Variants in ANKRD22 observed in about 807,000 individuals in gnomAD.
ANKRD22 encodes ankyrin repeat domain 22.
In ANKRD22, 24 loss-of-function variants were observed where a neutral mutation model predicts 25.7. That is an observed-to-expected ratio of 0.93 (90% confidence interval 0.68 to 1.31). The LOEUF (loss-of-function observed/expected upper bound fraction) is 1.31. Ranked by LOEUF, ANKRD22 falls within the 50% of genes most tolerant of loss-of-function variation. The pLI is 0.00. For synonymous variants in ANKRD22, 84 were observed against 84.3 expected (o/e 1.00, Z 0.02); for missense variants, 214 against 227.1 (o/e 0.94, Z 0.37).
Position 88,823,029 on chromosome 10 carries a change from A to C in ANKRD22, c.499-11T>G, listed in dbSNP as rs567902619. On this transcript the variant is annotated splice_polypyrimidine_tract_variant and intron_variant, in intron 5 of 5. Coordinates refer to ENST00000371930, the MANE Select transcript of ANKRD22 (RefSeq NM_144590.3). Reference sequence around the variant, plus strand: ...TGAGCTCTCACCATGCTGAGGGGGGAAAAATATACAGTTATTTCCAATAGA... The same window carrying C: ...TGAGCTCTCACCATGCTGAGGGGGGCAAAATATACAGTTATTTCCAATAGA... The C allele has an allele frequency of 5.0e-6, 8 of 1,608,178 alleles. No homozygotes were observed. Among genetic ancestry groups the C allele is most frequent in the Non-Finnish European group, 6.8e-6 (8 of 1,175,016 alleles).
intron 1 of ANKRD22, among the ~76,000 whole-genome samples, chr10:88,851,311 A>C (rs1285242352): frequency 6.6e-6 from 1 of 152,188 alleles, no homozygotes; most frequent in East Asian, 1.9e-4. Context: ...TTTTGTCCAA[A>C]TTATCCTTGC....
chr10:88,823,807 G>A (rs1165406132), intron 4 of ANKRD22, among the ~76,000 whole-genome samples: 1 of 123,580 alleles, frequency 8.1e-6, no homozygotes, highest in Non-Finnish European at 1.5e-5. Flanking sequence ...CAGCCTGGGC[G>A]ACAGAGCGAG....
intron 1 of ANKRD22, among the ~76,000 whole-genome samples, chr10:88,839,632 T>C (rs1305884833): frequency 6.6e-6 from 1 of 152,134 alleles, no homozygotes; most frequent in African/African-American, 2.4e-5. Context: ...AAATGTAGTC[T>C]CCTTAACTAG....
intron 4 of ANKRD22, among the ~76,000 whole-genome samples, chr10:88,823,871 G>A (rs916057640): frequency 6.8e-6 from 1 of 148,090 alleles, no homozygotes; most frequent in African/African-American, 2.5e-5. Flanking sequence ...CAATGTATAT[G>A]TATGTTAGTG....
At chr10:88,831,730 A>G (rs545335106) in intron 2 of ANKRD22, 105 bp downstream of exon 2, 1 of 1,154,186 alleles carries the variant, frequency 8.7e-7, no homozygotes, top group South Asian at 1.8e-5. Flanking sequence ...TGTTCGTATT[A>G]GGAGCTGCAA....
rs1843808481 is a variant in ANKRD22 at position 88,822,544 on chromosome 10, C to CTTGTTTTTTTTTT, written c.*396_*397insAAAAAAAAAACAA. ...AAAGACTGAGTTTGGAACACCAGGG[C>CTTGTTTTTTTTTT]TTTTTTTTTTTTTTTTTTTTTTGAG... On this transcript the variant is annotated 3_prime_UTR_variant, in exon 6 of 6. Transcript: ENST00000371930. 2.7e-5 allele frequency: 1 copy of CTTGTTTTTTTTTT among 36,438 alleles called. No homozygotes were observed. The highest frequency in any genetic ancestry group is 8.0e-5 in the African/African-American group (1 of 12,514). 2.3% of individuals were successfully genotyped at this position (36,438 alleles called of 1,614,324 possible).
At chr10:88,840,020 C>T (rs1843990048) in intron 1 of ANKRD22, among the ~76,000 whole-genome samples, 1 of 152,114 alleles carries the variant, frequency 6.6e-6, no homozygotes, top group Admixed American at 6.6e-5. Flanking sequence ...AAACAAGCCC[C>T]CCATAATGGA....
In ANKRD22 at chr10:88,851,663, AT is replaced by A. The variant is rs1164495014; in HGVS notation, c.-57del. The A allele has an allele frequency of 6.3e-7, 1 of 1,593,318 alleles. No individual in the cohort carries two copies. The highest frequency in any genetic ancestry group is 8.6e-7 in the Non-Finnish European group (1 of 1,162,158). On this transcript the variant is annotated 5_prime_UTR_variant, in exon 1 of 6. Coordinates refer to ENST00000371930, the MANE Select transcript of ANKRD22 (RefSeq NM_144590.3). ...ACAGCTCCTTGAATCTTCTGGAGGT[AT>A]TTCTGATGAATATCAAAATCCTTCC...
At chr10:88,823,809 C>T (rs1473349018) in intron 4 of ANKRD22, among the ~76,000 whole-genome samples, 2 of 115,060 alleles carry the variant, frequency 1.7e-5, no homozygotes, top group Admixed American at 1.1e-4. Flanking sequence ...GCCTGGGCGA[C>T]AGAGCGAGAC....
chr10:88,832,086 G>GA (rs371257710), intron 1 of ANKRD22, 60 bp from the exon 2 acceptor site: 455 of 1,461,430 alleles, frequency 3.1e-4, no homozygotes, highest in Non-Finnish European at 4.0e-4. Context: ...CCACAAAAAC[G>GA]AAAAAAAAGT....
Position 88,849,403 on chromosome 10 carries a change from T to C in ANKRD22, c.21+2184A>G, listed in dbSNP as rs189446651. Among the ~76,000 whole-genome samples, 191 of 152,272 alleles carry C rather than the reference T, an allele frequency of 1.3e-3. 2 individuals carry two copies. The highest frequency in any genetic ancestry group is 4.2e-3 in the African/African-American group (175 of 41,564). ...CCAGAGTGGTTAAGACCAATTCTCT[T>C]ATGGAGCATGACATATCTGTTGAAA... On this transcript the variant is annotated intron_variant, in intron 1 of 5. Coordinates refer to ENST00000371930, the MANE Select transcript of ANKRD22 (RefSeq NM_144590.3).
chr10:88,847,357 C>T (rs990156064), intron 1 of ANKRD22, among the ~76,000 whole-genome samples: 9 of 152,138 alleles, frequency 5.9e-5, no homozygotes, highest in African/African-American at 2.2e-4. Context: ...CTCCCAGGTT[C>T]AAGCAATTTT....
intron 3 of ANKRD22, among the ~76,000 whole-genome samples, chr10:88,827,419 T>C (rs1228328991): frequency 2.0e-5 from 3 of 152,128 alleles, no homozygotes; most frequent in African/African-American, 7.2e-5. Context: ...GAAAGCAGAG[T>C]TGTGTGTCAA....
At chr10:88,846,339 C>A (rs2133082281) in intron 1 of ANKRD22, among the ~76,000 whole-genome samples, 1 of 152,252 alleles carries the variant, frequency 6.6e-6, no homozygotes, top group South Asian at 2.1e-4. Flanking sequence ...CTGCTGATAA[C>A]ATACTGTTTA....
chr10:88,823,721 C>G (rs1019187009), intron 4 of ANKRD22, among the ~76,000 whole-genome samples: 14 of 149,516 alleles, frequency 9.4e-5, no homozygotes, highest in Admixed American at 4.7e-4. Context: ...CCAGCTACTC[C>G]GGAGGCTGAG....
chr10:88,845,052 G>T (rs1203737112), intron 1 of ANKRD22, among the ~76,000 whole-genome samples: 1 of 138,062 alleles, frequency 7.2e-6, no homozygotes, highest in East Asian at 2.2e-4. Context: ...TTTTTGTCTT[G>T]TCCTGTCCTC....
intron 1 of ANKRD22, among the ~76,000 whole-genome samples, chr10:88,836,641 G>A (rs1362968593): frequency 7.2e-5 from 11 of 152,240 alleles, no homozygotes; most frequent in Non-Finnish European, 1.3e-4. Flanking sequence ...ACAAGACTTC[G>A]CATTTGATAT....
At chr10:88,831,730 A>C (rs545335106) in intron 2 of ANKRD22, 105 bp downstream of exon 2, 163 of 1,154,186 alleles carry the variant, frequency 1.4e-4, no homozygotes, top group Middle Eastern at 6.4e-4. Context: ...TGTTCGTATT[A>C]GGAGCTGCAA....
chr10:88,843,150 TA>T (rs1844017004), intron 1 of ANKRD22, among the ~76,000 whole-genome samples: 1 of 152,142 alleles, frequency 6.6e-6, no homozygotes. Context: ...GGCTTCTCTA[TA>T]AAAGCTTCTT....
Sources: allele counts gnomAD v4.1 joint callset (sites outside exome capture counted in the v4.1 genomes callset), GRCh38; gene constraint gnomAD v4.1.1; transcripts MANE v1.5; gene names NCBI Gene and HGNC (gene_info 2026-07-23, HGNC 2026-07-21).